Variants in CNTN5 observed in about 807,000 individuals in gnomAD.
The protein encoded by CNTN5 is contactin 5, also known as contactin-5.
A neutral mutation model predicts 129.1 loss-of-function variants in CNTN5; 77 were observed. That is an observed-to-expected ratio of 0.60 (90% CI 0.50 to 0.72). CNTN5 has a LOEUF of 0.72. Ranked by LOEUF, CNTN5 falls within the 30% of genes least tolerant of loss-of-function variation. The pLI is 0.00. For missense variants in CNTN5, 1,478 were observed against 1,328.8 expected (o/e 1.11, Z -1.75); for synonymous variants, 509 against 465.6 (o/e 1.09, Z -1.20).
intron 1 of CNTN5, among the ~76,000 whole-genome samples, chr11:99,243,098 A>G (rs1861642221): frequency 6.6e-6 from 1 of 152,316 alleles, no homozygotes; most frequent in Admixed American, 6.5e-5. Flanking sequence ...ACGTTCTCAC[A>G]ACAGTGTATA....
intron 1 of CNTN5, among the ~76,000 whole-genome samples, chr11:99,255,917 G>A (rs1005993107): frequency 3.5e-4 from 53 of 151,868 alleles, no homozygotes; most frequent in African/African-American, 1.2e-3. Flanking sequence ...TTCAGCAACA[G>A]TTCTTTTTAA....
chr11:99,294,969 C>T (rs1373726226), intron 1 of CNTN5, among the ~76,000 whole-genome samples: 1 of 152,098 alleles, frequency 6.6e-6, no homozygotes, highest in Non-Finnish European at 1.5e-5. Context: ...TCTCAGTTAC[C>T]ATCATTTTGG....
intron 2 of CNTN5, among the ~76,000 whole-genome samples, chr11:99,390,626 G>T (rs1941212699): frequency 6.6e-6 from 1 of 151,970 alleles, no homozygotes; most frequent in South Asian, 2.1e-4. Context: ...AATAATTAAA[G>T]AATAGTTTGT....
intron 1 of CNTN5, among the ~76,000 whole-genome samples, chr11:99,131,048 G>A (rs1858905648): frequency 6.6e-6 from 1 of 150,410 alleles, no homozygotes; most frequent in South Asian, 2.1e-4. Context: ...GGATCACAAG[G>A]TCAGGAGATC....
At chr11:99,147,259 A>C (rs940063986) in intron 1 of CNTN5, among the ~76,000 whole-genome samples, 2 of 152,168 alleles carry the variant, frequency 1.3e-5, no homozygotes, top group Non-Finnish European at 2.9e-5. Flanking sequence ...ACATATAATT[A>C]GTGGGCTCTT....
chr11:99,727,669 G>C (rs1209141411), intron 3 of CNTN5, among the ~76,000 whole-genome samples: 2 of 151,944 alleles, frequency 1.3e-5, no homozygotes, highest in African/African-American at 2.4e-5. Context: ...AACAAAAACA[G>C]CTGTGGAAAA....
intron 10 of CNTN5, among the ~76,000 whole-genome samples, chr11:100,063,355 C>T (rs1235561353): frequency 1.3e-5 from 2 of 151,724 alleles, no homozygotes; most frequent in Non-Finnish European, 2.9e-5. Context: ...GACAAACCTA[C>T]CCAAAGCGTG....
At chr11:100,229,445 G>C (rs540077704) in intron 16 of CNTN5, among the ~76,000 whole-genome samples, 1 of 152,264 alleles carries the variant, frequency 6.6e-6, no homozygotes, top group African/African-American at 2.4e-5. Context: ...GTAACCTGAA[G>C]ACACCAGTTT....
intron 2 of CNTN5, among the ~76,000 whole-genome samples, chr11:99,518,604 G>T (rs1947149506): frequency 6.6e-6 from 1 of 151,902 alleles, no homozygotes; most frequent in Admixed American, 6.6e-5. Context: ...CGTTCTCCAG[G>T]GCAATATGGC....
chr11:99,423,310 C>T (rs1942980016), intron 2 of CNTN5, among the ~76,000 whole-genome samples: 1 of 152,102 alleles, frequency 6.6e-6, no homozygotes, highest in South Asian at 2.1e-4. Context: ...AGCAAGGTGC[C>T]CACTGAAGTG....
chr11:100,031,465 G>A (rs753156135), intron 9 of CNTN5, among the ~76,000 whole-genome samples: 14 of 152,078 alleles, frequency 9.2e-5, no homozygotes, highest in Non-Finnish European at 1.8e-4. Context: ...GCCTATAAAC[G>A]GATGCATGAG....
chr11:100,179,928 C>G (rs1253527199), intron 13 of CNTN5, among the ~76,000 whole-genome samples: 1 of 151,994 alleles, frequency 6.6e-6, no homozygotes, highest in Non-Finnish European at 1.5e-5. Flanking sequence ...ATCTTTCCCA[C>G]AAAGAAAACT....
At chr11:99,373,688 G>C (rs1248895015) in intron 2 of CNTN5, among the ~76,000 whole-genome samples, 1 of 138,442 alleles carries the variant, frequency 7.2e-6, no homozygotes, top group Non-Finnish European at 1.5e-5. Context: ...ATTCCAGCCT[G>C]GGAAACGAGG....
Position 100,188,719 on chromosome 11 carries a change from A to G in CNTN5, c.1581-2407A>G, listed in dbSNP as rs116289080. On this transcript the variant is annotated intron_variant, in intron 13 of 24. Transcript: ENST00000524871. ...ACTTAAACTGCTATTCAACCCAACA[A>G]TCCCATTACTGGTTATACATCCAAA... Among the ~76,000 whole-genome samples, 589 of 152,304 alleles carry G rather than the reference A, an allele frequency of 3.9e-3. 4 individuals are homozygous for G. The highest frequency in any genetic ancestry group is 0.013 in the African/African-American group (558 of 41,574).
intron 23 of CNTN5, among the ~76,000 whole-genome samples, chr11:100,349,611 T>C (rs1423131225): frequency 6.6e-6 from 1 of 151,880 alleles, no homozygotes; most frequent in African/African-American, 2.4e-5. Context: ...TGTTTTCTTT[T>C]GCTATGTTTT....
chr11:100,074,670 A>G (rs1403678744), intron 13 of CNTN5, among the ~76,000 whole-genome samples: 1 of 152,204 alleles, frequency 6.6e-6, no homozygotes, highest in Non-Finnish European at 1.5e-5. Context: ...TGATAAAAAC[A>G]TATGTGAATC....
intron 3 of CNTN5, among the ~76,000 whole-genome samples, chr11:99,738,785 A>T (rs1385252419): frequency 6.6e-6 from 1 of 152,142 alleles, no homozygotes. Context: ...TCTATCCCAT[A>T]GGCAGTAGAG....
chr11:100,056,619 CAAAAT>C (rs567643965), intron 9 of CNTN5, among the ~76,000 whole-genome samples: 172 of 151,276 alleles, frequency 1.1e-3, no homozygotes, highest in African/African-American at 3.9e-3. Flanking sequence ...CATCAAAACA[CAAAAT>C]AAAACTTATA....
chr11:99,887,287 A>C (rs1565640370), intron 6 of CNTN5, among the ~76,000 whole-genome samples: 1 of 152,204 alleles, frequency 6.6e-6, no homozygotes, highest in Non-Finnish European at 1.5e-5. Flanking sequence ...AGGGAGAATA[A>C]TTCATAAAGA....
Sources: allele counts gnomAD v4.1 joint callset (sites outside exome capture counted in the v4.1 genomes callset), GRCh38; gene constraint gnomAD v4.1.1; transcripts MANE v1.5; gene names NCBI Gene and HGNC (gene_info 2026-07-23, HGNC 2026-07-21).